FRMD4A: variants seen among roughly 807,000 people sequenced by gnomAD.
FRMD4A encodes FERM domain containing 4A, also known as FERM domain-containing protein 4A.
FRMD4A carries 29 observed loss-of-function variants against 129.1 expected under a neutral mutation model. That is an observed-to-expected ratio of 0.22 (90% CI 0.17 to 0.31). The LOEUF is 0.31. FRMD4A is among the 10% of genes least tolerant of loss of function. The pLI, the probability that FRMD4A is intolerant of heterozygous loss-of-function variation, is 1.00. For synonymous variants in FRMD4A, 634 were observed against 571.6 expected (o/e 1.11, Z -1.56); for missense variants, 1,272 against 1,375.8 (o/e 0.92, Z 1.19).
At chr10:14,298,317 T>C (rs1181554384) in intron 2 of FRMD4A, among the ~76,000 whole-genome samples, 1 of 152,166 alleles carries the variant, frequency 6.6e-6, no homozygotes, top group Non-Finnish European at 1.5e-5. Context: ...TGAATCCTCT[T>C]GGTCTAGTTT....
At position 13,659,451 on chromosome 10, in the gene FRMD4A, T is replaced by C. The variant is rs113485338; in HGVS notation, c.1938A>G (p.Glu646=). Residue 646 remains glutamate, a synonymous_variant, in exon 21 of 25, where the codon GAA becomes GAG. Coordinates refer to ENST00000357447, the MANE Select transcript of FRMD4A (RefSeq NM_018027.5). ...GCAAGGAGTTGCTTCCTCCGCCGGC[T>C]TCCGCACAGCTTCCTGTGCTGGGGA... ...KRFPSTGSCA[E]AGGGSNSLQN... 6.2e-7 allele frequency: 1 copy of C among 1,613,748 alleles called. No homozygotes were observed.
intron 12 of FRMD4A, among the ~76,000 whole-genome samples, chr10:13,724,567 A>G (rs2089739881): frequency 6.6e-6 from 1 of 152,168 alleles, no homozygotes; most frequent in South Asian, 2.1e-4. Context: ...TTGGGATCCA[A>G]CGATAGCATT....
intron 23 of FRMD4A, chr10:13,652,525 T>C (rs894338513): frequency 6.4e-6 from 1 of 155,708 alleles, no homozygotes; most frequent in Non-Finnish European, 1.4e-5. Context: ...TGTCATTCTT[T>C]TATGAGTTAA....
chr10:14,185,381 TG>T (rs1448870542), intron 2 of FRMD4A, among the ~76,000 whole-genome samples: 1 of 152,214 alleles, frequency 6.6e-6, no homozygotes, highest in Non-Finnish European at 1.5e-5. Flanking sequence ...CCCTAAAATC[TG>T]TAGAATGTGC....
At chr10:14,070,064 A>T (rs112566317) in intron 2 of FRMD4A, among the ~76,000 whole-genome samples, 3,831 of 152,252 alleles carry the variant, frequency 0.025, 68 homozygotes, top group Middle Eastern at 0.075. Flanking sequence ...CTGCATGTAG[A>T]CTTTCTCTTC....
intron 2 of FRMD4A, among the ~76,000 whole-genome samples, chr10:13,950,773 C>A (rs1245419369): frequency 6.6e-6 from 1 of 152,170 alleles, no homozygotes; most frequent in Non-Finnish European, 1.5e-5. Flanking sequence ...TTGGCTCATT[C>A]TTTTTCCTCA....
Position 14,179,755 on chromosome 10 carries a change from C to T in FRMD4A, c.45+150303G>A, listed in dbSNP as rs540279926. Among the ~76,000 whole-genome samples, 23 of 152,244 alleles carry T rather than the reference C, an allele frequency of 1.5e-4. No homozygotes were observed. The South Asian group carries it at 4.6e-3, about 30-fold the overall frequency. ...CCTTTTTAAAAACCTCAGAATGGGC[C>T]GGGCGCGGTGGCTCACGCCTGTAAT... is the stretch of plus-strand genomic sequence containing the variant. On this transcript the variant is annotated intron_variant, in intron 2 of 24. Coordinates refer to ENST00000357447, the MANE Select transcript of FRMD4A (RefSeq NM_018027.5).
chr10:14,007,999 A>AAACAAAC, intron 2 of FRMD4A: 1 of 1,285,460 alleles, frequency 7.8e-7, no homozygotes, highest in Non-Finnish European at 1.0e-6. Context: ...TATACAATGA[A>AAACAAAC]AACAAACATC....
At chr10:14,190,918 G>A (rs1842297606) in intron 2 of FRMD4A, among the ~76,000 whole-genome samples, 1 of 152,200 alleles carries the variant, frequency 6.6e-6, no homozygotes, top group East Asian at 1.9e-4. Flanking sequence ...GGGGCTTTGT[G>A]TGCAAATTTG....
At chr10:14,072,005 T>C (rs1213118449) in intron 2 of FRMD4A, among the ~76,000 whole-genome samples, 2 of 152,218 alleles carry the variant, frequency 1.3e-5, no homozygotes, top group Admixed American at 6.5e-5. Context: ...TAATAAGCCT[T>C]CAATAAATGT....
chr10:14,254,785 A>C (rs1844553694), intron 2 of FRMD4A, among the ~76,000 whole-genome samples: 1 of 152,066 alleles, frequency 6.6e-6, no homozygotes, highest in Non-Finnish European at 1.5e-5. Context: ...AAAGTATAAT[A>C]ATAATAAAAT....
intron 14 of FRMD4A, among the ~76,000 whole-genome samples, chr10:13,697,476 C>T (rs1265549577): frequency 1.3e-5 from 2 of 152,164 alleles, no homozygotes; most frequent in East Asian, 3.9e-4. Context: ...GAAAATATCA[C>T]AGCGACCTAA....
intron 2 of FRMD4A, chr10:14,327,047 C>A: frequency 2.5e-6 from 1 of 398,340 alleles, no homozygotes; most frequent in South Asian, 1.3e-4. Context: ...GAGGTCCTCC[C>A]ACCTCAAGAT....
At chr10:13,868,513 G>A (rs947151072) in intron 2 of FRMD4A, among the ~76,000 whole-genome samples, 5 of 152,036 alleles carry the variant, frequency 3.3e-5, no homozygotes, top group African/African-American at 4.8e-5. Flanking sequence ...AAAAACATAC[G>A]CAGGTGTGGC....
intron 2 of FRMD4A, among the ~76,000 whole-genome samples, chr10:13,942,138 C>T (rs181872810): frequency 8.5e-5 from 13 of 152,312 alleles, no homozygotes; most frequent in African/African-American, 3.1e-4. Context: ...GGGACCCTAT[C>T]CTTTCTCATG....
At chr10:14,226,281 C>T (rs1395436084) in intron 2 of FRMD4A, among the ~76,000 whole-genome samples, 1 of 152,168 alleles carries the variant, frequency 6.6e-6, no homozygotes, top group Non-Finnish European at 1.5e-5. Context: ...TCCTCAGTAA[C>T]TCCATGCCCA....
Position 14,092,277 on chromosome 10 carries a change from A to G in FRMD4A, c.46-233365T>C, listed in dbSNP as rs527509216. The stretch of plus-strand genomic sequence containing the variant: ...CTCAGCACTCGGGTTCTATTCTCCT[A>G]TTGAATAAAGGCAGCATCAACCTGC... On this transcript the variant is annotated intron_variant, in intron 2 of 24. Coordinates refer to ENST00000357447, the MANE Select transcript of FRMD4A (RefSeq NM_018027.5). Among the ~76,000 whole-genome samples, 4 of 152,258 alleles carry G rather than the reference A, an allele frequency of 2.6e-5. 1 individual carries two copies. The East Asian group carries it at 7.7e-4, about 29-fold the overall frequency.
chr10:14,049,300 G>A (rs1436216171), intron 2 of FRMD4A, among the ~76,000 whole-genome samples: 1 of 152,188 alleles, frequency 6.6e-6, no homozygotes, highest in African/African-American at 2.4e-5. Context: ...GGAGATCATT[G>A]TCCATGTAAG....
chr10:14,273,367 G>A (rs926168907), intron 2 of FRMD4A, among the ~76,000 whole-genome samples: 5 of 152,112 alleles, frequency 3.3e-5, no homozygotes, highest in Admixed American at 6.6e-5. Context: ...AAGTAGGGAC[G>A]CCCCTTTATT....
Sources: allele counts gnomAD v4.1 joint callset (sites outside exome capture counted in the v4.1 genomes callset), GRCh38; gene constraint gnomAD v4.1.1; transcripts MANE v1.5; gene names NCBI Gene and HGNC (gene_info 2026-07-23, HGNC 2026-07-21).